Variants in PIGF observed in about 807,000 individuals in gnomAD.
PIGF encodes GPI ethanolamine phosphate transferase, stabilizing subunit.
PIGF carries 23 observed loss-of-function variants against 26.0 expected under a neutral mutation model. The observed-to-expected ratio is 0.88, with a 90% CI of 0.64 to 1.25. The LOEUF (loss-of-function observed/expected upper bound fraction) is 1.25. PIGF is among the 50% of genes most tolerant of loss of function. The pLI is 0.00. For missense variants in PIGF, 278 were observed against 249.9 expected (o/e 1.11, Z -0.76); for synonymous variants, 93 against 92.6 (o/e 1.00, Z -0.03).
intron 4 of PIGF, among the ~76,000 whole-genome samples, chr2:46,610,678 C>T (rs540826469): frequency 9.2e-5 from 14 of 151,898 alleles, no homozygotes; most frequent in East Asian, 1.9e-4. Context: ...TACAGGCACC[C>T]GCCACCACAC....
chr2:46,593,663 G>C (rs3768725), intron 4 of PIGF, among the ~76,000 whole-genome samples: 27,231 of 151,994 alleles, frequency 0.18, 4,143 homozygotes, highest in African/African-American at 0.42. Context: ...ACTTCATCAT[G>C]TAGAACAGGA....
chr2:46,605,202 TA>T (rs1670181420), intron 4 of PIGF, among the ~76,000 whole-genome samples: 1 of 152,136 alleles, frequency 6.6e-6, no homozygotes, highest in Non-Finnish European at 1.5e-5. Flanking sequence ...TTAATCTAAT[TA>T]TTTCCTAGCT....
rs778309011 is a variant in PIGF, at chr2:46,614,926, A to T, written c.228+11T>A. 7.9e-7 allele frequency: 1 copy of T among 1,259,682 alleles called. No homozygotes were observed. The highest frequency in any genetic ancestry group is 1.2e-5 in the South Asian group (1 of 83,096). The allele number at this position is 1,259,682 out of a possible 1,614,324, so 78.0% of individuals were successfully genotyped here. On this transcript the variant is annotated intron_variant, in intron 2 of 5. Coordinates refer to ENST00000281382, the MANE Select transcript of PIGF (RefSeq NM_002643.4). ...CCATCCAAAAATCAGTTATTGAGAC[A>T]TAAGCCTTACCTTGTGTGATAATGA...
chr2:46,603,353 G>T (rs755279433), intron 4 of PIGF, among the ~76,000 whole-genome samples: 3 of 151,752 alleles, frequency 2.0e-5, no homozygotes, highest in Non-Finnish European at 4.4e-5. Context: ...ATAAATAGAA[G>T]AAACAATCCT....
At chr2:46,611,995 G>T (rs1284573409) in intron 4 of PIGF, among the ~76,000 whole-genome samples, 3 of 150,606 alleles carry the variant, frequency 2.0e-5, no homozygotes, top group Non-Finnish European at 3.0e-5. Context: ...AGGCTAGGTG[G>T]AATTCTACCA....
chr2:46,594,671 G>T (rs571575149), intron 4 of PIGF, among the ~76,000 whole-genome samples: 2 of 151,882 alleles, frequency 1.3e-5, no homozygotes, highest in Admixed American at 1.3e-4. Flanking sequence ...GAGTAGCTGG[G>T]ATTACAGGTG....
At position 46,581,566 on chromosome 2, in the gene PIGF, C is replaced by T. The variant is rs889793758; in HGVS notation, c.572G>A (p.Gly191Glu). Residue 191 changes from glycine (G) to glutamate (E), a missense_variant, in exon 6 of 6, where the codon GGA (glycine) becomes GAA (glutamate). Coordinates refer to ENST00000281382, the MANE Select transcript of PIGF (RefSeq NM_002643.4). Reference sequence around the variant, plus strand: ...GCCAGCCACGTAGCCAAAGGTCGCTCCAAGCGTACAGGAGATGGGCCATAC... The same window carrying T: ...GCCAGCCACGTAGCCAAAGGTCGCTTCAAGCGTACAGGAGATGGGCCATAC... ...WQVWPISCTL[G>E]ATFGYVAGLV... 1 of 1,611,394 alleles carries T rather than the reference C, an allele frequency of 6.2e-7. No homozygotes were observed. Among genetic ancestry groups the T allele is most frequent in the Non-Finnish European group, 8.5e-7 (1 of 1,179,514 alleles).
intron 4 of PIGF, among the ~76,000 whole-genome samples, 153 bp downstream of exon 4, chr2:46,612,075 C>G (rs1187887368): frequency 6.6e-6 from 1 of 151,940 alleles, no homozygotes; most frequent in Non-Finnish European, 1.5e-5. Flanking sequence ...GCCCTGTCCC[C>G]AGTCCCTAAT....
rs548542689 is a variant in PIGF, at chr2:46,589,876, A to G, written c.546+2599T>C. Among the ~76,000 whole-genome samples the G allele has an allele frequency of 6.6e-6, 1 of 151,150 alleles. No individual in the cohort carries two copies. Among genetic ancestry groups the G allele is most frequent in the Non-Finnish European group, 1.5e-5 (1 of 67,628 alleles). On this transcript the variant is annotated intron_variant, in intron 5 of 5. Transcript: ENST00000281382. This position sits in a 1 kb window ranked among gnomAD's most constrained non-coding sequence, Gnocchi z 4.7. ...CCTTGTTTGCTGGAAATAAAAAGTG[A>G]AAAAAAAACCTCATTTCTTTAGTTT...
chr2:46,582,426 C>CTAT (rs1244565913), intron 5 of PIGF: 5 of 152,214 alleles, frequency 3.3e-5, no homozygotes, highest in Admixed American at 3.3e-4. Flanking sequence ...ATTACTAGTT[C>CTAT]TATTACCTAA....
intron 4 of PIGF, among the ~76,000 whole-genome samples, chr2:46,597,419 G>GC (rs1669921343): frequency 6.9e-6 from 1 of 144,870 alleles, no homozygotes; most frequent in Non-Finnish European, 1.5e-5. Context: ...GTTTTTTGTT[G>GC]TTTTTTTTTT....
chr2:46,583,375 T>C (rs1396872493), intron 5 of PIGF, among the ~76,000 whole-genome samples: 1 of 152,136 alleles, frequency 6.6e-6, no homozygotes, highest in Non-Finnish European at 1.5e-5. Context: ...ACAGTAATTT[T>C]CTTATTCACA....
At chr2:46,590,521 A>G (rs372837715) in intron 5 of PIGF, among the ~76,000 whole-genome samples, 1 of 20,752 alleles carries the variant, frequency 4.8e-5, no homozygotes, top group Admixed American at 6.7e-4. Flanking sequence ...GTATTGCATC[A>G]TATACAAAAT....
intron 4 of PIGF, among the ~76,000 whole-genome samples, chr2:46,611,842 T>A (rs1670429287): frequency 6.6e-6 from 1 of 152,230 alleles, no homozygotes; most frequent in Admixed American, 6.5e-5. Context: ...ACTTCTACCT[T>A]ATAAAATGTA....
chr2:46,596,623 T>C (rs895583422), intron 4 of PIGF, among the ~76,000 whole-genome samples: 1 of 152,080 alleles, frequency 6.6e-6, no homozygotes, highest in Non-Finnish European at 1.5e-5. Context: ...AAGACAGATA[T>C]TTTCAACTCT....
intron 4 of PIGF, among the ~76,000 whole-genome samples, chr2:46,608,120 T>A (rs1245708761): frequency 6.6e-6 from 1 of 152,240 alleles, no homozygotes; most frequent in Non-Finnish European, 1.5e-5. Flanking sequence ...GAGTAGACCT[T>A]CTTTCAAAAT....
chr2:46,592,984 T>C (rs1669768602), intron 4 of PIGF, among the ~76,000 whole-genome samples: 1 of 152,224 alleles, frequency 6.6e-6, no homozygotes, highest in Non-Finnish European at 1.5e-5. Flanking sequence ...TATGTACATT[T>C]GCATAAATAC....
Position 46,581,113 on chromosome 2 carries a change from C to G in PIGF, c.*365G>C. Reference sequence around the variant, plus strand: ...CATCTTCAGTGGCCAAGGAAACTGTCCATTTCTCTCAGAAAGCAAATGAAA... The same window carrying G: ...CATCTTCAGTGGCCAAGGAAACTGTGCATTTCTCTCAGAAAGCAAATGAAA... On this transcript the variant is annotated 3_prime_UTR_variant, in exon 6 of 6. Coordinates refer to ENST00000281382, the MANE Select transcript of PIGF (RefSeq NM_002643.4). 1.4e-6 allele frequency: 2 copies of G among 1,442,868 alleles called. No homozygotes were observed. Among genetic ancestry groups the G allele is most frequent in the South Asian group, 2.9e-5 (2 of 69,730 alleles). The allele number at this position is 1,442,868 out of a possible 1,614,324, so 89.4% of individuals were successfully genotyped here.
At chr2:46,599,733 CTG>C (rs1156427884) in intron 4 of PIGF, among the ~76,000 whole-genome samples, 2 of 152,048 alleles carry the variant, frequency 1.3e-5, no homozygotes, top group Non-Finnish European at 2.9e-5. Flanking sequence ...TCATGGTAAA[CTG>C]TGTGGAGGTT....
Sources: gnomAD v4.1 joint callset for allele counts (sites outside exome capture counted in the v4.1 genomes callset) on GRCh38, gnomAD v4.1.1 for gene constraint, Gnocchi (gnomAD v3.1) non-coding constraint, MANE v1.5 for transcripts, NCBI Gene and HGNC (gene_info 2026-07-23, HGNC 2026-07-21) for gene names.